Variants in SERPINB11 observed in about 807,000 individuals in gnomAD.
SERPINB11 encodes serpin family B member 11.
SERPINB11 carries 32 observed loss-of-function variants against 36.7 expected under a neutral mutation model. The observed-to-expected ratio is 0.87, with a 90% CI of 0.66 to 1.17. SERPINB11 has a LOEUF of 1.17. Among genes scored for constraint, SERPINB11 ranks in the 50% most tolerant of loss-of-function variants. The pLI is 0.00. For synonymous variants in SERPINB11, 174 were observed against 168.1 expected, an observed-to-expected ratio of 1.04 and a Z score of -0.27; for missense variants, 528 against 458.4, an observed-to-expected ratio of 1.15 and a Z score of -1.39.
At position 63,723,588 on chromosome 18, in the gene SERPINB11, A is replaced by G. The variant is rs1291834274; in HGVS notation, c.*189A>G. 4 of 529,432 alleles carry G rather than the reference A, an allele frequency of 7.6e-6. No homozygotes were observed. The highest frequency in any genetic ancestry group is 1.9e-5 in the African/African-American group (1 of 52,770). The allele number at this position is 529,432 out of a possible 1,614,324, so 32.8% of individuals were successfully genotyped here. A position where few individuals can be genotyped will look rare whatever the true frequency, so the allele number is the denominator to read the frequency against. ...GAAGCTAAGGCTTTGTTAATCATGG[A>G]AAAAGGTAGATTTATGCAGAAAGCC... On this transcript the variant is annotated 3_prime_UTR_variant, in exon 8 of 8. Coordinates refer to ENST00000544088, the MANE Select transcript of SERPINB11 (RefSeq NM_001370475.1).
chr18:63,712,539 T>C (rs773861829), intron 3 of SERPINB11, 26 bp from the exon 4 acceptor site: 5 of 1,612,958 alleles, frequency 3.1e-6, no homozygotes, highest in Non-Finnish European at 3.4e-6. Context: ...ATTTAATACA[T>C]CATTCTTTGT....
At chr18:63,704,696 T>C (rs1363221234) in intron 1 of SERPINB11, among the ~76,000 whole-genome samples, 1 of 152,226 alleles carries the variant, frequency 6.6e-6, no homozygotes, top group East Asian at 1.9e-4. Flanking sequence ...AGTTCAATGC[T>C]TGAAGAGCTG....
At chr18:63,713,596 CT>C (rs1427851891) in intron 4 of SERPINB11, among the ~76,000 whole-genome samples, 2 of 152,140 alleles carry the variant, frequency 1.3e-5, no homozygotes, top group African/African-American at 4.8e-5. Context: ...TGATGAGCTT[CT>C]GATAGTCAGA....
In SERPINB11 at chr18:63,720,873, T is replaced by C. The variant is rs771671633; in HGVS notation, c.661T>C (p.Phe221Leu). Residue 221 changes from phenylalanine (F) to leucine (L), a missense_variant, in exon 7 of 8, where the codon TTT becomes CTT. By Grantham distance (22) the Phe-to-Leu change is conservative. Coordinates refer to ENST00000544088, the MANE Select transcript of SERPINB11 (RefSeq NM_001370475.1). Reference protein sequence around the residue: ...TVEMMYQIGTFKLAFVKEPQM... With the variant: ...TVEMMYQIGTLKLAFVKEPQM... Reference sequence around the variant, plus strand: ...GGAAATGATGTATCAAATTGGAACATTTAAACTGGCCTTTGTAAAGGAGCC... The same window carrying C: ...GGAAATGATGTATCAAATTGGAACACTTAAACTGGCCTTTGTAAAGGAGCC... 6 of 1,573,408 alleles carry C rather than the reference T, an allele frequency of 3.8e-6. No individual in the cohort carries two copies. Among genetic ancestry groups the C allele is most frequent in the African/African-American group, 1.3e-5 (1 of 74,124 alleles).
At chr18:63,718,591 A>G (rs1253687249) in intron 5 of SERPINB11, among the ~76,000 whole-genome samples, 5 of 152,034 alleles carry the variant, frequency 3.3e-5, no homozygotes, top group Non-Finnish European at 7.4e-5. Context: ...ATGTATAAGT[A>G]TATACTTTAC....
chr18:63,703,980 T>G (rs1914306693), intron 1 of SERPINB11, among the ~76,000 whole-genome samples: 1 of 152,206 alleles, frequency 6.6e-6, no homozygotes. Flanking sequence ...GATTTTTTTT[T>G]TCCAAGACAC....
Position 63,722,988 on chromosome 18 carries a change from C to G in SERPINB11, c.775-7C>G. ...TCATGTGGGCTTGTCTGTGTTTTGT[C>G]TCTTAGATAGAAAAGCAGCTGAATT... On this transcript the variant is annotated splice_region_variant and splice_polypyrimidine_tract_variant and intron_variant, in intron 7 of 7. Coordinates refer to ENST00000544088, the MANE Select transcript of SERPINB11 (RefSeq NM_001370475.1). 1 of 1,557,548 alleles carries G rather than the reference C, an allele frequency of 6.4e-7. No homozygotes were observed.
intron 5 of SERPINB11, among the ~76,000 whole-genome samples, chr18:63,718,530 G>C (rs1040882183): frequency 6.6e-6 from 1 of 151,826 alleles, no homozygotes; most frequent in Non-Finnish European, 1.5e-5. Flanking sequence ...GGTATTTGAG[G>C]TGTTTGGTGA....
At chr18:63,719,494 C>A (rs952185561) in intron 5 of SERPINB11, among the ~76,000 whole-genome samples, 1 of 152,012 alleles carries the variant, frequency 6.6e-6, no homozygotes, top group Non-Finnish European at 1.5e-5. Flanking sequence ...GTTTTATTTA[C>A]AAAGCAATTC....
In SERPINB11 at chr18:63,712,929, G is replaced by A. The variant is rs1598962999; in HGVS notation, c.357+236G>A. On this transcript the variant is annotated intron_variant, in intron 4 of 7. Transcript: ENST00000544088. ...ATGCTGTCTAAGAACCAAGGTCAGG[G>A]ATGAAGCACAAAACAAAGTAGGTAA... Among the ~76,000 whole-genome samples the A allele has an allele frequency of 2.6e-5, 4 of 152,296 alleles. No homozygotes were observed. The South Asian group carries it at 8.3e-4, about 32-fold the overall frequency.
chr18:63,722,860 G>A, intron 7 of SERPINB11, 135 bp from the exon 8 acceptor site: 2 of 838,844 alleles, frequency 2.4e-6, no homozygotes, highest in South Asian at 2.3e-5. Flanking sequence ...TTGTTCCCAG[G>A]TAAGTAGACT....
intron 4 of SERPINB11, among the ~76,000 whole-genome samples, chr18:63,715,387 A>G (rs970225898): frequency 2.6e-5 from 4 of 152,168 alleles, no homozygotes; most frequent in African/African-American, 9.7e-5. Flanking sequence ...CGGAGTAAAA[A>G]TTTTTGGTTA....
At chr18:63,718,814 T>C (rs978158443) in intron 5 of SERPINB11, among the ~76,000 whole-genome samples, 4 of 151,856 alleles carry the variant, frequency 2.6e-5, no homozygotes, top group African/African-American at 7.3e-5. Context: ...TATATATCCA[T>C]TATATTATTT....
intron 1 of SERPINB11, among the ~76,000 whole-genome samples, chr18:63,707,779 A>G (rs1274246392): frequency 6.6e-6 from 1 of 152,202 alleles, no homozygotes; most frequent in African/African-American, 2.4e-5. Flanking sequence ...TACTCTATGG[A>G]TAGAGCTTGT....
chr18:63,723,059 G>C lies in SERPINB11; in HGVS notation c.839G>C (p.Arg280Thr). 1 of 1,604,670 alleles carries C rather than the reference G, an allele frequency of 6.2e-7. No individual in the cohort carries two copies. The highest frequency in any genetic ancestry group is 8.5e-7 in the Non-Finnish European group (1 of 1,175,426). ...EWTSSSNMME[R>T]EVEVHLPRFK... ...ACAAGCTCTTCTAACATGATGGAAAGAGAAGTTGAAGTACACCTCCCCCGA... is the reference window on the plus strand; with the variant it reads ...ACAAGCTCTTCTAACATGATGGAAACAGAAGTTGAAGTACACCTCCCCCGA... The change falls in exon 8 of 8, where the codon AGA (arginine) becomes ACA (threonine). Residue 280 changes from arginine to threonine, a missense_variant. Physicochemically the swap from Arg to Thr is moderately conservative, Grantham distance 71. Transcript: ENST00000544088.
chr18:63,721,193 T>C (rs1914804551), intron 7 of SERPINB11, among the ~76,000 whole-genome samples: 1 of 152,198 alleles, frequency 6.6e-6, no homozygotes, highest in South Asian at 2.1e-4. Context: ...GAACAAGCTA[T>C]TCTTACATGA....
chr18:63,714,147 G>A (rs1482719613), intron 4 of SERPINB11, among the ~76,000 whole-genome samples: 1 of 152,146 alleles, frequency 6.6e-6, no homozygotes, highest in East Asian at 1.9e-4. Context: ...TTTTAAAGCT[G>A]GGTGCCCGGG....
At chr18:63,712,718 A>G (rs1301670179) in intron 4 of SERPINB11, 25 bp downstream of exon 4, 2 of 1,603,776 alleles carry the variant, frequency 1.2e-6, no homozygotes, top group East Asian at 4.5e-5. Context: ...AAGAGTGATC[A>G]ACAACTTTCT....
At chr18:63,712,208 A>C (rs1416556533) in intron 3 of SERPINB11, among the ~76,000 whole-genome samples, 1 of 152,174 alleles carries the variant, frequency 6.6e-6, no homozygotes, top group Non-Finnish European at 1.5e-5. Context: ...GTGAAAGAAA[A>C]GAGAAACGAT....
Sources: allele counts gnomAD v4.1 joint callset (sites outside exome capture counted in the v4.1 genomes callset), GRCh38; gene constraint gnomAD v4.1.1; transcripts MANE v1.5; gene names NCBI Gene and HGNC (gene_info 2026-07-23, HGNC 2026-07-21).